Variants in RANBP2 observed in about 807,000 individuals in gnomAD.
The protein encoded by RANBP2 is E3 SUMO-protein ligase RanBP2.
In RANBP2, 57 loss-of-function variants were observed where a neutral mutation model predicts 303.6. The observed-to-expected ratio is 0.19, with a 90% CI of 0.15 to 0.23. RANBP2 has a LOEUF of 0.23. Among genes scored for constraint, RANBP2 ranks in the 10% least tolerant of loss-of-function variants. RANBP2 has a pLI of 1.00. For synonymous variants in RANBP2, 1,167 were observed against 1,301.5 expected, an observed-to-expected ratio of 0.90 and a Z score of 2.23; for missense variants, 3,138 against 3,780.8, an observed-to-expected ratio of 0.83 and a Z score of 4.46.
chr2:109,518,271 C>T, the RANBP2 span, among the ~76,000 whole-genome samples: 2 of 152,208 alleles, frequency 1.3e-5, no homozygotes, highest in African/African-American at 2.4e-5. Flanking sequence ...CTACACAGGC[C>T]GGCCCTCCAG....
chr2:108,843,354 C>T, the RANBP2 span, among the ~76,000 whole-genome samples: 7 of 151,964 alleles, frequency 4.6e-5, no homozygotes, highest in Admixed American at 1.3e-4. Flanking sequence ...GATGGGGTTT[C>T]GCCATGTTGG....
chr2:108,951,385 T>C, the RANBP2 span, among the ~76,000 whole-genome samples: 1 of 152,180 alleles, frequency 6.6e-6, no homozygotes, highest in Non-Finnish European at 1.5e-5. Flanking sequence ...CAGCATTGTG[T>C]CCAAGGTCAT....
the RANBP2 span, among the ~76,000 whole-genome samples, chr2:108,944,058 T>C: frequency 6.6e-5 from 10 of 152,340 alleles, no homozygotes; most frequent in Non-Finnish European, 1.3e-4. Context: ...GCAATTGCTA[T>C]CCAGCCACGT....
the RANBP2 span, among the ~76,000 whole-genome samples, chr2:109,101,311 G>T: frequency 6.6e-5 from 10 of 152,256 alleles, no homozygotes; most frequent in East Asian, 1.9e-3. Context: ...CAGATCACGA[G>T]GTAAGGAGAT....
At chr2:108,896,800 T>A in the RANBP2 span, 1 of 1,122,554 alleles carries the variant, frequency 8.9e-7, no homozygotes, top group Non-Finnish European at 1.3e-6. Context: ...TACGGTGACA[T>A]ATCACAAAAG....
chr2:108,905,900 T>G, the RANBP2 span, among the ~76,000 whole-genome samples: 1 of 152,092 alleles, frequency 6.6e-6, no homozygotes, highest in Non-Finnish European at 1.5e-5. Context: ...ACATCGGGGA[T>G]GCTCGAGGGC....
chr2:108,974,148 T>C, the RANBP2 span, among the ~76,000 whole-genome samples: 11 of 150,908 alleles, frequency 7.3e-5, no homozygotes, highest in African/African-American at 2.4e-4. Context: ...GCTAACATGG[T>C]GAAACCCCGT....
At chr2:108,721,092 C>T (rs1366986798) in intron 1 of RANBP2, among the ~76,000 whole-genome samples, 2 of 152,076 alleles carry the variant, frequency 1.3e-5, no homozygotes, top group African/African-American at 4.8e-5. Flanking sequence ...CACGGATGAC[C>T]ATGATTATAA....
the RANBP2 span, among the ~76,000 whole-genome samples, chr2:109,315,577 G>A: frequency 6.6e-6 from 1 of 152,358 alleles, no homozygotes; most frequent in Non-Finnish European, 1.5e-5. Context: ...GTTGTGCACT[G>A]TCTGTGCAGA....
the RANBP2 span, among the ~76,000 whole-genome samples, chr2:109,279,454 C>T: frequency 6.6e-6 from 1 of 152,196 alleles, no homozygotes; most frequent in African/African-American, 2.4e-5. Flanking sequence ...TCCTCCACCT[C>T]ACTTTAATGC....
the RANBP2 span, among the ~76,000 whole-genome samples, chr2:108,826,629 G>A: frequency 2.0e-5 from 3 of 152,052 alleles, no homozygotes; most frequent in African/African-American, 4.8e-5. Flanking sequence ...TCCTTATGCC[G>A]GTGTCACACT....
chr2:109,527,680 T>C, the RANBP2 span, among the ~76,000 whole-genome samples: 1 of 152,138 alleles, frequency 6.6e-6, no homozygotes, highest in Admixed American at 6.5e-5. Context: ...AGGGAAGGCA[T>C]ATGAGATTTC....
the RANBP2 span, among the ~76,000 whole-genome samples, chr2:108,921,608 C>T: frequency 6.6e-6 from 1 of 152,192 alleles, no homozygotes; most frequent in Non-Finnish European, 1.5e-5. Flanking sequence ...GTGTGTGGGT[C>T]TTAGTGACTC....
chr2:109,211,648 C>CTTTT, the RANBP2 span, among the ~76,000 whole-genome samples: 359 of 142,570 alleles, frequency 2.5e-3, 5 homozygotes, highest in Non-Finnish European at 3.6e-3. Flanking sequence ...GCATTTCTTT[C>CTTTT]TTTTTTTTTT....
chr2:109,737,304 T>A, the RANBP2 span: 38 of 667,300 alleles, frequency 5.7e-5, no homozygotes, highest in African/African-American at 6.9e-4. Flanking sequence ...GCACCTTGGA[T>A]GTCACGGTGA....
chr2:109,045,190 T>C, the RANBP2 span, among the ~76,000 whole-genome samples: 3 of 151,890 alleles, frequency 2.0e-5, no homozygotes, highest in African/African-American at 7.3e-5. Context: ...GTCGAAGGTG[T>C]TGAAGAAGGA....
the RANBP2 span, among the ~76,000 whole-genome samples, chr2:108,974,664 A>G: frequency 2.6e-5 from 4 of 152,124 alleles, no homozygotes; most frequent in Admixed American, 6.5e-5. Flanking sequence ...CGGCAGGCGA[A>G]GGTTTCAGTG....
At chr2:109,236,960 A>G in the RANBP2 span, among the ~76,000 whole-genome samples, 3 of 152,224 alleles carry the variant, frequency 2.0e-5, no homozygotes, top group African/African-American at 7.2e-5. Context: ...CAACTGGCCT[A>G]AGGGTTTAAT....
the RANBP2 span, among the ~76,000 whole-genome samples, chr2:109,309,942 A>G: frequency 8.1e-6 from 1 of 124,216 alleles, no homozygotes; most frequent in Non-Finnish European, 1.6e-5. Flanking sequence ...CGAGACAGAA[A>G]GTCAACAAGG....
Sources: allele counts gnomAD v4.1 joint callset (sites outside exome capture counted in the v4.1 genomes callset), GRCh38; gene constraint gnomAD v4.1.1; transcripts MANE v1.5; gene names NCBI Gene and HGNC (gene_info 2026-07-23, HGNC 2026-07-21).